The following ARHGEF26 variants were observed in gnomAD, a reference collection of about 807,000 sequenced individuals.
ARHGEF26 encodes the protein Rho guanine nucleotide exchange factor 26.
A neutral mutation model predicts 89.4 loss-of-function variants in ARHGEF26; 59 were observed. The observed-to-expected ratio is 0.66, with a 90% CI of 0.54 to 0.82. The LOEUF is 0.82. Among genes scored for constraint, ARHGEF26 ranks in the 40% least tolerant of loss-of-function variants. The pLI is 0.00. For missense variants in ARHGEF26, 1,234 were observed against 1,085.6 expected, an observed-to-expected ratio of 1.14 and a Z score of -1.92; for synonymous variants, 500 against 428.4, an observed-to-expected ratio of 1.17 and a Z score of -2.06.
intron 9 of ARHGEF26, among the ~76,000 whole-genome samples, chr3:154,200,940 A>G (rs1201930432): frequency 6.6e-6 from 1 of 152,034 alleles, no homozygotes; most frequent in Non-Finnish European, 1.5e-5. Context: ...TTGATTTTGT[A>G]TCCTGCAACT....
rs374472368 is a variant in ARHGEF26, at chr3:154,122,466, C to A, written c.474C>A (p.Pro158=). Residue 158 remains proline, a synonymous_variant, in exon 2 of 15, where the codon CCC becomes CCA. Transcript: ENST00000465093. ...CTAACGCGCCCGCCCCCTGCACCCC[C>A]GAGGAGGACCTTACTGGGTTGACTG... The part of the protein sequence containing the change: ...RTPNAPAPCT[P]EEDLTGLTAS... The A allele has an allele frequency of 1.3e-5, 21 of 1,612,260 alleles. No individual in the cohort carries two copies. The highest frequency in any genetic ancestry group is 2.2e-5 in the East Asian group (1 of 44,856).
intron 4 of ARHGEF26, among the ~76,000 whole-genome samples, chr3:154,148,422 T>A (rs984166393): frequency 1.3e-5 from 2 of 152,238 alleles, no homozygotes; most frequent in South Asian, 2.1e-4. Flanking sequence ...CAAAACTACC[T>A]TCTCTTTCCC....
intron 3 of ARHGEF26, among the ~76,000 whole-genome samples, chr3:154,127,945 C>T (rs1212919003): frequency 6.6e-6 from 1 of 152,146 alleles, no homozygotes; most frequent in East Asian, 1.9e-4. Context: ...TATGTTTCCT[C>T]TTATGTTCGC....
chr3:154,238,103 T>A (rs1341726358), intron 11 of ARHGEF26, among the ~76,000 whole-genome samples: 3 of 152,244 alleles, frequency 2.0e-5, no homozygotes, highest in Non-Finnish European at 4.4e-5. Context: ...AAACTTGTTC[T>A]GTGTTGCTAA....
intron 9 of ARHGEF26, among the ~76,000 whole-genome samples, chr3:154,215,045 A>G (rs758393337): frequency 6.6e-6 from 1 of 152,186 alleles, no homozygotes; most frequent in Non-Finnish European, 1.5e-5. Flanking sequence ...CATAAATTGG[A>G]TCATGTCATT....
chr3:154,226,150 A>G lies in ARHGEF26; in HGVS notation c.2090+140A>G, dbSNP rs563864280. ...TACATACTGAATCATAATTGCATCT[A>G]TGGTTCATTTTCTTTAAATTGCTTA... is the stretch of plus-strand genomic sequence containing the variant. On this transcript the variant is annotated intron_variant, in intron 11 of 14. Transcript: ENST00000465093. 2,804 of 730,300 alleles carry G rather than the reference A, an allele frequency of 3.8e-3. 11 individuals carry two copies. Among genetic ancestry groups the G allele is most frequent in the Non-Finnish European group, 4.4e-3 (2,151 of 483,438 alleles). The allele number at this position is 730,300 out of a possible 1,614,324, so 45.2% of individuals were successfully genotyped here.
chr3:154,121,958 G>A lies in ARHGEF26; in HGVS notation c.-35G>A. On this transcript the variant is annotated 5_prime_UTR_variant, in exon 2 of 15. Coordinates refer to ENST00000465093, the MANE Select transcript of ARHGEF26 (RefSeq NM_015595.4). ...CCTCTTTAGGCAAGACTAACTCGGT[G>A]TTGCTCCTCCCGGCGCTGACTTCGA... 1 of 1,558,450 alleles carries A rather than the reference G, an allele frequency of 6.4e-7. No individual in the cohort carries two copies. Among genetic ancestry groups the A allele is most frequent in the Non-Finnish European group, 8.7e-7 (1 of 1,147,794 alleles).
chr3:154,205,306 G>C (rs1714949004), intron 9 of ARHGEF26, among the ~76,000 whole-genome samples: 1 of 151,976 alleles, frequency 6.6e-6, no homozygotes, highest in Non-Finnish European at 1.5e-5. Flanking sequence ...CATTGTGTCT[G>C]ATATAAGTAT....
At position 154,214,192 on chromosome 3, in the gene ARHGEF26, T is replaced by G. The variant is rs188793309; in HGVS notation, c.1846-3677T>G. On this transcript the variant is annotated intron_variant, in intron 9 of 14. Transcript: ENST00000465093. ...GTAGGCACCAGATCATGAAGGGTCT[T>G]GCTAAGACTTTATTCTGAAAGCTTC... Among the ~76,000 whole-genome samples the G allele has an allele frequency of 1.3e-4, 20 of 152,318 alleles. No homozygotes were observed. The East Asian group carries it at 2.7e-3, about 21-fold the overall frequency.
chr3:154,202,602 A>G (rs1232065870), intron 9 of ARHGEF26, among the ~76,000 whole-genome samples: 2 of 152,040 alleles, frequency 1.3e-5, no homozygotes, highest in Admixed American at 1.3e-4. Context: ...CAGTATGGCC[A>G]TTTTCAAGAT....
intron 11 of ARHGEF26, 140 bp from the exon 12 acceptor site, chr3:154,240,230 T>C: frequency 1.6e-6 from 1 of 622,536 alleles, no homozygotes; most frequent in Non-Finnish European, 2.8e-6. Context: ...CAAATTCCAA[T>C]TCATAGTTTA....
intron 3 of ARHGEF26, among the ~76,000 whole-genome samples, chr3:154,127,150 T>C (rs1419754267): frequency 1.3e-5 from 2 of 152,208 alleles, no homozygotes; most frequent in Admixed American, 1.3e-4. Flanking sequence ...CTGTACACTA[T>C]TGTAGACTTT....
chr3:154,248,095 T>C (rs1310702775), intron 12 of ARHGEF26, among the ~76,000 whole-genome samples: 2 of 152,188 alleles, frequency 1.3e-5, no homozygotes, highest in African/African-American at 4.8e-5. Context: ...TTAGATGTCA[T>C]TTGGGTGTAG....
chr3:154,177,001 A>G (rs192914922), intron 6 of ARHGEF26, among the ~76,000 whole-genome samples: 23 of 152,304 alleles, frequency 1.5e-4, no homozygotes, highest in Admixed American at 1.4e-3. Context: ...AGTAAATACC[A>G]TAAAAAGCCC....
intron 6 of ARHGEF26, among the ~76,000 whole-genome samples, chr3:154,171,961 G>T (rs1042616374): frequency 6.6e-6 from 1 of 152,120 alleles, no homozygotes; most frequent in Non-Finnish European, 1.5e-5. Flanking sequence ...AGGCAAGCAG[G>T]ATGTAATTTT....
chr3:154,189,562 C>T (rs892859227), intron 7 of ARHGEF26, among the ~76,000 whole-genome samples: 2 of 152,066 alleles, frequency 1.3e-5, no homozygotes, highest in Non-Finnish European at 2.9e-5. Flanking sequence ...TGGTCTTGAT[C>T]TCCTGACCTC....
chr3:154,127,925 G>C (rs1186588157), intron 3 of ARHGEF26, among the ~76,000 whole-genome samples: 3 of 152,112 alleles, frequency 2.0e-5, no homozygotes, highest in Non-Finnish European at 4.4e-5. Flanking sequence ...TATGCAATGC[G>C]TGACTGTATT....
Position 154,256,813 on chromosome 3 carries a change from T to TATTC in ARHGEF26, c.*1342_*1345dup. ...TTGCACTAAAAGCCTTAACTTGCTG[T>TATTC]ATTCAGAGTCCCTCTTAACTGTGAG... is the stretch of plus-strand genomic sequence containing the variant. On this transcript the variant is annotated 3_prime_UTR_variant, in exon 15 of 15. Coordinates refer to ENST00000465093, the MANE Select transcript of ARHGEF26 (RefSeq NM_015595.4). 1 of 1,512,390 alleles carries TATTC rather than the reference T, an allele frequency of 6.6e-7. No individual in the cohort carries two copies. The highest frequency in any genetic ancestry group is 8.8e-7 in the Non-Finnish European group (1 of 1,138,828). 93.7% of individuals were successfully genotyped at this position (1,512,390 alleles called of 1,614,324 possible). A position where few individuals can be genotyped will look rare whatever the true frequency, so the allele number is the denominator to read the frequency against.
chr3:154,245,337 T>C (rs1314083749), intron 12 of ARHGEF26, among the ~76,000 whole-genome samples: 1 of 152,234 alleles, frequency 6.6e-6, no homozygotes, highest in African/African-American at 2.4e-5. Flanking sequence ...CCTCAATCCG[T>C]AGGCTTTAAA....
Sources: allele counts gnomAD v4.1 joint callset (sites outside exome capture counted in the v4.1 genomes callset), GRCh38; gene constraint gnomAD v4.1.1; transcripts MANE v1.5; gene names NCBI Gene and HGNC (gene_info 2026-07-23, HGNC 2026-07-21).